Variants in SNX27 observed in about 807,000 individuals in gnomAD.
SNX27 encodes sorting nexin-27.
Under a neutral mutation model 71.6 loss-of-function variants are expected in SNX27, and 22 were observed. That is an observed-to-expected ratio of 0.31 (90% CI 0.22 to 0.44). The LOEUF (loss-of-function observed/expected upper bound fraction) is 0.44, where lower values mean the gene tolerates loss of function less well. Among genes scored for constraint, SNX27 ranks in the 20% least tolerant of loss-of-function variants. The pLI is 1.00. For missense variants in SNX27, 531 were observed against 698.6 expected, an observed-to-expected ratio of 0.76 and a Z score of 2.70; for synonymous variants, 269 against 277.2, an observed-to-expected ratio of 0.97 and a Z score of 0.29.
intron 7 of SNX27, chr1:151,679,049 T>C (rs955390691): frequency 3.3e-5 from 5 of 152,212 alleles, no homozygotes; most frequent in African/African-American, 1.2e-4. Flanking sequence ...TGGCAGCTGT[T>C]TTTTGATGGA....
At chr1:151,689,193 G>A (rs1224932525) in intron 8 of SNX27, among the ~76,000 whole-genome samples, 2 of 152,152 alleles carry the variant, frequency 1.3e-5, no homozygotes, top group African/African-American at 4.8e-5. Context: ...TAACAACCCT[G>A]CAGGTATTAT....
At chr1:151,683,275 C>T (rs73000088) in intron 7 of SNX27, 81 bp from the exon 8 acceptor site, 121,100 of 1,101,114 alleles carry the variant, frequency 0.11, 6,988 homozygotes, top group African/African-American at 0.13. Flanking sequence ...TCTGAAAATG[C>T]GTCTGTGTCT....
intron 1 of SNX27, among the ~76,000 whole-genome samples, chr1:151,629,170 G>A (rs1668079218): frequency 6.6e-6 from 1 of 151,600 alleles, no homozygotes; most frequent in South Asian, 2.1e-4. Context: ...TGTTCTTCAT[G>A]TTTACAATTT....
chr1:151,662,484 C>T (rs889825473), intron 5 of SNX27: 6 of 305,654 alleles, frequency 2.0e-5, no homozygotes, highest in African/African-American at 6.6e-5. Flanking sequence ...TTGTGATTAA[C>T]GCCTCCTTTT....
Position 151,695,433 on chromosome 1 carries a change from T to TTTTC in SNX27, c.*1018_*1021dup, listed in dbSNP as rs1553266817. 6.9e-6 allele frequency: 1 copy of TTTTC among 145,548 alleles called. No homozygotes were observed. The highest frequency in any genetic ancestry group is 2.0e-4 in the East Asian group (1 of 5,036). The allele number at this position is 145,548 out of a possible 1,614,324, so 9.0% of individuals were successfully genotyped here. A position where few individuals can be genotyped will look rare whatever the true frequency, so the allele number is the denominator to read the frequency against. On this transcript the variant is annotated 3_prime_UTR_variant, in exon 12 of 12. Coordinates refer to ENST00000458013, the MANE Select transcript of SNX27 (RefSeq NM_001330723.2). Reference sequence around the variant, plus strand: ...GCCTTTTTTTTTTTTTTTTTTTTTTTTTTCTGAGACAGGGTCTTACTCTGT... The same window carrying TTTTC: ...GCCTTTTTTTTTTTTTTTTTTTTTTTTTTCTTTCTGAGACAGGGTCTTACTCTGT...
intron 8 of SNX27, among the ~76,000 whole-genome samples, chr1:151,687,925 C>T (rs1452921257): frequency 5.1e-5 from 7 of 137,260 alleles, no homozygotes; most frequent in Non-Finnish European, 9.1e-5. Context: ...CCAGCCTGGG[C>T]GACAGAGCGG....
chr1:151,617,192 C>G (rs894445988), intron 1 of SNX27, among the ~76,000 whole-genome samples: 3 of 152,120 alleles, frequency 2.0e-5, no homozygotes, highest in Admixed American at 2.0e-4. Flanking sequence ...AGAGGTAGCA[C>G]AAGTTAATAT....
intron 7 of SNX27, among the ~76,000 whole-genome samples, chr1:151,682,785 A>T (rs1671027307): frequency 6.6e-6 from 1 of 152,162 alleles, no homozygotes. Context: ...CTGTAATCCC[A>T]GCACTTTGGG....
chr1:151,670,097 T>A (rs1381995508), intron 7 of SNX27, among the ~76,000 whole-genome samples: 1 of 152,200 alleles, frequency 6.6e-6, no homozygotes, highest in African/African-American at 2.4e-5. Context: ...CTCCATGGGT[T>A]CAATTGTTTT....
chr1:151,674,086 G>T (rs1049648827), intron 7 of SNX27, among the ~76,000 whole-genome samples: 2 of 151,962 alleles, frequency 1.3e-5, no homozygotes, highest in Non-Finnish European at 1.5e-5. Flanking sequence ...TTTGTTACTT[G>T]TTTTATGGTC....
At chr1:151,682,699 CGA>C (rs1386169246) in intron 7 of SNX27, among the ~76,000 whole-genome samples, 5 of 151,994 alleles carry the variant, frequency 3.3e-5, no homozygotes, top group Non-Finnish European at 5.9e-5. Context: ...CACAAGGTGA[CGA>C]GAGAGAGAGC....
chr1:151,619,005 T>G (rs1480315043), intron 1 of SNX27, among the ~76,000 whole-genome samples: 1 of 136,342 alleles, frequency 7.3e-6, no homozygotes, highest in Non-Finnish European at 1.6e-5. Context: ...TAACCTAATA[T>G]ATATGCAAAA....
chr1:151,658,620 G>C (rs1033065832), intron 3 of SNX27, among the ~76,000 whole-genome samples, 193 bp downstream of exon 3: 1 of 152,120 alleles, frequency 6.6e-6, no homozygotes, highest in African/African-American at 2.4e-5. Flanking sequence ...CTGTTTCATT[G>C]GTTTGTTGAA....
intron 1 of SNX27, among the ~76,000 whole-genome samples, chr1:151,634,201 A>C (rs1668371765): frequency 6.6e-6 from 1 of 152,224 alleles, no homozygotes; most frequent in African/African-American, 2.4e-5. Context: ...GCCATCTACA[A>C]AATTGAAATG....
intron 1 of SNX27, among the ~76,000 whole-genome samples, chr1:151,634,186 A>C (rs186611544): frequency 6.6e-6 from 1 of 152,326 alleles, no homozygotes; most frequent in African/African-American, 2.4e-5. Context: ...TTGTGTAGGC[A>C]TATAGCCATC....
At chr1:151,636,776 T>C (rs1447601132) in intron 1 of SNX27, among the ~76,000 whole-genome samples, 1 of 151,998 alleles carries the variant, frequency 6.6e-6, no homozygotes, top group Non-Finnish European at 1.5e-5. Flanking sequence ...TTTTTTCTTA[T>C]ACCATCAAAT....
intron 1 of SNX27, among the ~76,000 whole-genome samples, chr1:151,635,952 A>T (rs925349595): frequency 6.6e-6 from 1 of 152,186 alleles, no homozygotes; most frequent in African/African-American, 2.4e-5. Flanking sequence ...TGACCCAAGG[A>T]ACGGTGTATT....
chr1:151,668,774 CA>C, intron 7 of SNX27, 139 bp downstream of exon 7: 2 of 613,348 alleles, frequency 3.3e-6, no homozygotes, highest in South Asian at 3.2e-5. Context: ...TGTTCTATCC[CA>C]TTTCACGAAA....
chr1:151,661,445 A>G (rs1321510122), intron 4 of SNX27: 1 of 152,508 alleles, frequency 6.6e-6, no homozygotes, highest in African/African-American at 2.4e-5. Flanking sequence ...CAATAAATCA[A>G]TGCTTATGAT....
Sources: gnomAD v4.1 joint callset for allele counts (sites outside exome capture counted in the v4.1 genomes callset) on GRCh38, gnomAD v4.1.1 for gene constraint, MANE v1.5 for transcripts, NCBI Gene and HGNC (gene_info 2026-07-23, HGNC 2026-07-21) for gene names.